Variants in ICE1 observed in about 807,000 individuals in gnomAD.
The protein encoded by ICE1 is little elongation complex subunit 1.
ICE1 carries 64 observed loss-of-function variants against 192.7 expected under a neutral mutation model. That is an observed-to-expected ratio of 0.33 (90% CI 0.27 to 0.41). ICE1 has a LOEUF of 0.41. Among genes scored for constraint, ICE1 ranks in the 10% least tolerant of loss-of-function variants. The pLI is 1.00. For synonymous variants in ICE1, 1,010 were observed against 984.5 expected (o/e 1.03, Z -0.49); for missense variants, 2,708 against 2,696.0 (o/e 1.00, Z -0.10).
Position 5,461,708 on chromosome 5 carries a change from C to T in ICE1, c.2374C>T (p.His792Tyr). Reference protein sequence around the residue: ...GLGFVKSTSWHHSDLLRKGGE... With the variant: ...GLGFVKSTSWYHSDLLRKGGE... The stretch of plus-strand genomic sequence containing the variant: ...GGGTTTTGTTAAAAGTACTTCATGG[C>T]ACCATAGTGATTTATTAAGGAAAGG... The change falls in exon 13 of 19, where the codon CAC (histidine) becomes TAC (tyrosine). Residue 792 changes from histidine to tyrosine, a missense_variant. His to Tyr is a moderately conservative substitution (Grantham distance 83, BLOSUM62 2). Coordinates refer to ENST00000296564, the MANE Select transcript of ICE1 (RefSeq NM_015325.3). 6 of 1,613,770 alleles carry T rather than the reference C, an allele frequency of 3.7e-6. No homozygotes were observed. Among genetic ancestry groups the T allele is most frequent in the Non-Finnish European group, 8.5e-7 (1 of 1,179,806 alleles).
At chr5:5,481,176 T>A (rs1561100724) in intron 17 of ICE1, among the ~76,000 whole-genome samples, 3 of 152,046 alleles carry the variant, frequency 2.0e-5, no homozygotes, top group Admixed American at 6.6e-5. Context: ...TTTTGAGAGT[T>A]AAAAAAAATT....
At chr5:5,482,724 T>A (rs1274506750) in intron 17 of ICE1, among the ~76,000 whole-genome samples, 1 of 151,916 alleles carries the variant, frequency 6.6e-6, no homozygotes. Context: ...TGAAGCCTGC[T>A]GTTTAGGCCT....
chr5:5,484,898 T>TA (rs1229253177), intron 17 of ICE1, among the ~76,000 whole-genome samples: 1 of 152,146 alleles, frequency 6.6e-6, no homozygotes, highest in East Asian at 1.9e-4. Context: ...ACATCCAAGA[T>TA]ATGTTCGCAA....
chr5:5,464,793 ACAAGT>A lies in ICE1; in HGVS notation c.5464_5468del (p.Ser1822ArgfsTer23), dbSNP rs1738930899. On this transcript the variant is annotated frameshift_variant, in exon 13 of 19. Coordinates refer to ENST00000296564, the MANE Select transcript of ICE1 (RefSeq NM_015325.3). LOFTEE classifies it high-confidence loss of function. The surrounding 1 kb of genome is among the most constrained non-coding windows in gnomAD (Gnocchi z 4.0). ...AGCTCTGGTGGTGACTGTAACCAAG[ACAAGT>A]CAAGAGATTTGGGGACTCAGCAGGA... 6.2e-7 allele frequency: 1 copy of A among 1,613,684 alleles called. No homozygotes were observed. Among genetic ancestry groups the A allele is most frequent in the African/African-American group, 1.3e-5 (1 of 74,926 alleles).
At chr5:5,486,852 G>A (rs1483154690) in intron 18 of ICE1, 33 bp downstream of exon 18, 4 of 1,485,632 alleles carry the variant, frequency 2.7e-6, no homozygotes, top group Non-Finnish European at 9.2e-7. Flanking sequence ...TTACTTTTAA[G>A]TAACTTGTGT....
At chr5:5,423,027 C>G (rs1579528504) in intron 1 of ICE1, 28 bp downstream of exon 1, 1 of 1,313,702 alleles carries the variant, frequency 7.6e-7, no homozygotes, top group Non-Finnish European at 9.8e-7. Flanking sequence ...GCCCCGGGCG[C>G]GGGGGGGGAC....
At chr5:5,477,131 G>A (rs961896316) in intron 17 of ICE1, among the ~76,000 whole-genome samples, 10 of 151,684 alleles carry the variant, frequency 6.6e-5, no homozygotes, top group African/African-American at 2.4e-4. Flanking sequence ...AGAATTATCA[G>A]TGATAAAATC....
intron 5 of ICE1, among the ~76,000 whole-genome samples, chr5:5,442,275 C>T (rs553169988): frequency 3.0e-4 from 46 of 152,300 alleles, no homozygotes; most frequent in African/African-American, 8.7e-4. Flanking sequence ...TCTCTCTAGG[C>T]GCTTCTCACG....
rs1738531570 is a variant in ICE1, at chr5:5,454,538, G to A, written c.605-14G>A. 6.2e-7 allele frequency: 1 copy of A among 1,602,538 alleles called. No homozygotes were observed. Among genetic ancestry groups the A allele is most frequent in the African/African-American group, 1.3e-5 (1 of 74,788 alleles). On this transcript the variant is annotated splice_polypyrimidine_tract_variant and intron_variant, in intron 10 of 18. Transcript: ENST00000296564. ...CCAAATGACGTGACTTTAATGCTTT[G>A]CTCTGTTTCACAGGAAAAGTGAAAC...
intron 1 of ICE1, among the ~76,000 whole-genome samples, chr5:5,424,166 G>A (rs1036687330): frequency 1.3e-5 from 2 of 152,176 alleles, no homozygotes; most frequent in Admixed American, 1.3e-4. Context: ...CACGGAAGAT[G>A]GTTGATGAGA....
rs376305235 is a variant in ICE1 at position 5,460,890 on chromosome 5, A to G, written c.1556A>G (p.Gln519Arg). Residue 519 changes from glutamine to arginine, a missense_variant, in exon 13 of 19, where the codon CAA becomes CGA. Gln to Arg is a conservative substitution (Grantham distance 43). Coordinates refer to ENST00000296564, the MANE Select transcript of ICE1 (RefSeq NM_015325.3). ...CIERLSASPAQEKEAAPGKSE... is the reference protein window; with the variant it reads ...CIERLSASPAREKEAAPGKSE... ...GAGAGATTGTCTGCCAGCCCTGCAC[A>G]AGAGAAGGAAGCTGCCCCTGGGAAG... 8.1e-6 allele frequency: 13 copies of G among 1,614,036 alleles called. No homozygotes were observed. The highest frequency in any genetic ancestry group is 1.1e-5 in the Non-Finnish European group (13 of 1,179,896).
intron 17 of ICE1, among the ~76,000 whole-genome samples, chr5:5,485,940 G>A (rs760442339): frequency 6.6e-6 from 1 of 152,152 alleles, no homozygotes; most frequent in Non-Finnish European, 1.5e-5. Flanking sequence ...AAAAATCTGC[G>A]TTGTTCCAGT....
In ICE1 at chr5:5,468,836, G is replaced by T; in HGVS notation, c.6070G>T (p.Glu2024Ter). The change falls in exon 15 of 19, where the codon GAG (glutamate) becomes TAG (stop). Residue 2024 changes from glutamate (E) to a stop codon, truncating the protein, a stop_gained. Transcript: ENST00000296564. LOFTEE classifies it high-confidence loss of function. ...TATTTTATTTCTGATAGATTTTCCG[G>T]AGTCTGAAAAATTAACTTTGTTTAT... The part of the protein sequence containing the change: ...CYSLLKEDFP[E>*]SEKLTLFIAN... The T allele has an allele frequency of 6.4e-7, 1 of 1,571,546 alleles. No individual in the cohort carries two copies. Among genetic ancestry groups the T allele is most frequent in the South Asian group, 1.2e-5 (1 of 83,816 alleles).
intron 6 of ICE1, 25 bp from the exon 7 acceptor site, chr5:5,444,264 T>G: frequency 6.5e-7 from 1 of 1,527,714 alleles, no homozygotes; most frequent in Non-Finnish European, 8.9e-7. Flanking sequence ...TTCTTGCCAT[T>G]TAACTTACAC....
chr5:5,480,045 A>G (rs1235719161), intron 17 of ICE1, among the ~76,000 whole-genome samples: 2 of 152,118 alleles, frequency 1.3e-5, no homozygotes, highest in Non-Finnish European at 2.9e-5. Context: ...ATGTATACCT[A>G]TGTAACAAAC....
intron 6 of ICE1, among the ~76,000 whole-genome samples, chr5:5,444,033 G>A (rs1003922983): frequency 6.6e-6 from 1 of 152,170 alleles, no homozygotes; most frequent in Non-Finnish European, 1.5e-5. Flanking sequence ...AGTTCAGGAA[G>A]GGTCCCAGAT....
intron 5 of ICE1, among the ~76,000 whole-genome samples, chr5:5,442,941 A>G (rs909358297): frequency 8.5e-5 from 13 of 152,236 alleles, no homozygotes; most frequent in African/African-American, 3.1e-4. Context: ...TAGAATTGCA[A>G]TAAAATTAGT....
chr5:5,473,005 T>G (rs1258176805), intron 15 of ICE1, among the ~76,000 whole-genome samples: 1 of 152,164 alleles, frequency 6.6e-6, no homozygotes, highest in Non-Finnish European at 1.5e-5. Context: ...TAAACAGTAA[T>G]ATGTCCATAT....
At position 5,447,973 on chromosome 5, in the gene ICE1, A is replaced by G. The variant is rs113033939; in HGVS notation, c.604+76A>G. 1,165 of 1,178,192 alleles carry G rather than the reference A, an allele frequency of 9.9e-4. 7 individuals are homozygous for G. The African/African-American group carries it at 0.016, about 17-fold the overall frequency. The allele number at this position is 1,178,192 out of a possible 1,614,324, so 73.0% of individuals were successfully genotyped here. ...TTGTGAGACTGTGTTTTGCTCCTAC[A>G]TATAATTGTGAAAGTGCCAGGGCTT... On this transcript the variant is annotated intron_variant, in intron 10 of 18. Coordinates refer to ENST00000296564, the MANE Select transcript of ICE1 (RefSeq NM_015325.3).
Sources: gnomAD v4.1 joint callset for allele counts (sites outside exome capture counted in the v4.1 genomes callset) on GRCh38, gnomAD v4.1.1 for gene constraint, Gnocchi (gnomAD v3.1) non-coding constraint, MANE v1.5 for transcripts, NCBI Gene and HGNC (gene_info 2026-07-23, HGNC 2026-07-21) for gene names.